Variants in IKZF1 observed in about 807,000 individuals in gnomAD.
IKZF1 encodes the protein IKAROS family zinc finger 1.
IKZF1 carries 10 observed loss-of-function variants against 51.7 expected under a neutral mutation model. The observed-to-expected ratio is 0.19, with a 90% CI of 0.12 to 0.33. The LOEUF (loss-of-function observed/expected upper bound fraction) is 0.33, where lower values mean the gene tolerates loss of function less well. Among genes scored for constraint, IKZF1 ranks in the 10% least tolerant of loss-of-function variants. IKZF1 has a pLI of 1.00. For synonymous variants in IKZF1, 280 were observed against 282.3 expected (o/e 0.99, Z 0.08); for missense variants, 484 against 707.5 (o/e 0.68, Z 3.58).
intron 5 of IKZF1, among the ~76,000 whole-genome samples, chr7:50,383,145 T>C (rs1812338963): frequency 6.6e-6 from 1 of 152,188 alleles, no homozygotes; most frequent in Non-Finnish European, 1.5e-5. Flanking sequence ...GATAGCTTTT[T>C]TGCAGAGCTG....
At chr7:50,399,754 C>CGCAGGTGTGTGTGTATGTGT in intron 7 of IKZF1, 164 bp from the exon 8 acceptor site, 1 of 1,116,584 alleles carries the variant, frequency 9.0e-7, no homozygotes, top group Non-Finnish European at 1.2e-6. Context: ...GTGATGTGTC[C>CGCAGGTGTGTGTGTATGTGT]GCAGGTGTGT....
rs1818607331 is a variant in IKZF1, at chr7:50,404,173, T to C, written c.*3546T>C. The C allele has an allele frequency of 4.7e-6, 1 of 214,628 alleles. No individual in the cohort carries two copies. Among genetic ancestry groups the C allele is most frequent in the Admixed American group, 5.9e-5 (1 of 17,082 alleles). 13.3% of individuals were successfully genotyped at this position (214,628 alleles called of 1,614,324 possible). ...CAATACTTTCTAATACAGTTTTTTA[T>C]AATGTTGTGTGTGGTGATTGTTCAG... is the stretch of plus-strand genomic sequence containing the variant. On this transcript the variant is annotated 3_prime_UTR_variant, in exon 8 of 8. Transcript: ENST00000331340.
intron 7 of IKZF1, among the ~76,000 whole-genome samples, chr7:50,392,865 G>C (rs1815565558): frequency 6.6e-6 from 1 of 152,154 alleles, no homozygotes; most frequent in Non-Finnish European, 1.5e-5. Flanking sequence ...ATGAGGGTTG[G>C]AGTGGGGGCC....
At chr7:50,390,468 C>A (rs1483434068) in intron 6 of IKZF1, among the ~76,000 whole-genome samples, 1 of 152,122 alleles carries the variant, frequency 6.6e-6, no homozygotes, top group African/African-American at 2.4e-5. Flanking sequence ...AATATACCAG[C>A]AACAATAGCC....
intron 7 of IKZF1, among the ~76,000 whole-genome samples, chr7:50,396,805 C>G (rs145756791): frequency 1.9e-3 from 294 of 152,270 alleles, no homozygotes; most frequent in African/African-American, 6.8e-3. Context: ...TTCCTTTGCT[C>G]TCTCTCCCTC....
intron 1 of IKZF1, among the ~76,000 whole-genome samples, chr7:50,312,377 A>G (rs778332032): frequency 2.0e-5 from 3 of 152,152 alleles, no homozygotes; most frequent in African/African-American, 7.2e-5. Flanking sequence ...GTGCACCCCT[A>G]TGAGAGGGTA....
chr7:50,304,273 C>G (rs1788238091), upstream of IKZF1: 1 of 149,554 alleles, frequency 6.7e-6, no homozygotes, highest in South Asian at 2.1e-4. Context: ...GGGGACGGGA[C>G]GACGCACCCT....
chr7:50,316,480 C>T (rs1791567293), intron 1 of IKZF1, among the ~76,000 whole-genome samples: 1 of 152,222 alleles, frequency 6.6e-6, no homozygotes, highest in African/African-American at 2.4e-5. Flanking sequence ...AAATGCAGAG[C>T]TCTCTGGCTC....
intron 6 of IKZF1, among the ~76,000 whole-genome samples, chr7:50,391,225 G>T (rs539828629): frequency 1.3e-5 from 2 of 152,164 alleles, no homozygotes; most frequent in Admixed American, 6.5e-5. Context: ...GGGATAAGGG[G>T]CTCTGGGTTT....
At chr7:50,318,389 C>T in intron 1 of IKZF1, 1 of 228,484 alleles carries the variant, frequency 4.4e-6, no homozygotes, top group Non-Finnish European at 8.7e-6. Flanking sequence ...GCTCGTTTTG[C>T]TGCCGTAGTG....
At chr7:50,370,188 G>C (rs1446251520) in intron 3 of IKZF1, among the ~76,000 whole-genome samples, 1 of 152,118 alleles carries the variant, frequency 6.6e-6, no homozygotes, top group Non-Finnish European at 1.5e-5. Context: ...ACTCACACTA[G>C]AGTGACTACT....
chr7:50,342,269 G>A (rs1799224788), intron 3 of IKZF1, among the ~76,000 whole-genome samples: 1 of 152,176 alleles, frequency 6.6e-6, no homozygotes. Context: ...ACAAAGTAAC[G>A]AGAATACAAC....
intron 7 of IKZF1, among the ~76,000 whole-genome samples, chr7:50,399,406 T>G (rs1216537293): frequency 6.6e-6 from 1 of 151,262 alleles, no homozygotes; most frequent in African/African-American, 2.4e-5. Context: ...TTAAATACAA[T>G]TATTAAAATT....
At chr7:50,361,483 C>T (rs770690838) in intron 3 of IKZF1, among the ~76,000 whole-genome samples, 8 of 152,124 alleles carry the variant, frequency 5.3e-5, no homozygotes, top group South Asian at 4.1e-4. Context: ...ATCCTGGACC[C>T]GGAAGTTGGC....
chr7:50,315,976 T>TC (rs547285458), intron 1 of IKZF1, among the ~76,000 whole-genome samples: 3 of 152,164 alleles, frequency 2.0e-5, no homozygotes, highest in Non-Finnish European at 4.4e-5. Flanking sequence ...CACTTCAGGC[T>TC]CCCCTTTGTA....
At chr7:50,358,135 C>T (rs1804046162) in intron 3 of IKZF1, among the ~76,000 whole-genome samples, 1 of 151,870 alleles carries the variant, frequency 6.6e-6, no homozygotes, top group Non-Finnish European at 1.5e-5. Context: ...AGTGTGTGAC[C>T]CAAATTAGTC....
intron 3 of IKZF1, among the ~76,000 whole-genome samples, chr7:50,363,751 A>G (rs1805966681): frequency 6.6e-6 from 1 of 152,190 alleles, no homozygotes; most frequent in Admixed American, 6.5e-5. Context: ...TTTTCATAGA[A>G]TCTTGACTTG....
chr7:50,383,765 C>T (rs1161943460), intron 5 of IKZF1, among the ~76,000 whole-genome samples: 1 of 152,246 alleles, frequency 6.6e-6, no homozygotes, highest in East Asian at 1.9e-4. Flanking sequence ...CCAGCTACTC[C>T]TCACCCACCC....
intron 3 of IKZF1, among the ~76,000 whole-genome samples, chr7:50,350,894 C>T (rs548409479): frequency 2.6e-4 from 39 of 152,298 alleles, no homozygotes; most frequent in Admixed American, 2.3e-3. Context: ...CATTCAGCTG[C>T]GCTGGGGCCA....
Sources: allele counts gnomAD v4.1 joint callset (sites outside exome capture counted in the v4.1 genomes callset), GRCh38; gene constraint gnomAD v4.1.1; transcripts MANE v1.5; gene names NCBI Gene and HGNC (gene_info 2026-07-23, HGNC 2026-07-21).